Variants in GBX2 observed in about 807,000 individuals in gnomAD.
The protein encoded by GBX2 is homeobox protein GBX-2.
In GBX2, 5 loss-of-function variants were observed where a neutral mutation model predicts 22.4. The ratio of observed to expected loss-of-function variants is 0.22; its 90% confidence interval spans 0.12 to 0.47. The LOEUF (loss-of-function observed/expected upper bound fraction) is 0.47, where lower values mean the gene tolerates loss of function less well. Ranked by LOEUF, GBX2 falls within the 20% of genes least tolerant of loss-of-function variation. GBX2 has a pLI of 0.99. For missense variants in GBX2, 470 were observed against 495.4 expected, an observed-to-expected ratio of 0.95 and a Z score of 0.49; for synonymous variants, 220 against 230.5, an observed-to-expected ratio of 0.95 and a Z score of 0.41.
At position 236,167,929 on chromosome 2, in the gene GBX2, G is replaced by A. The variant is rs549692179; in HGVS notation, c.43C>T (p.Pro15Ser). Residue 15 changes from proline to serine, a missense_variant, in exon 1 of 2, where the codon CCG (proline) becomes TCG (serine). Physicochemically the swap from Pro to Ser is moderately conservative, Grantham distance 74 (BLOSUM62 -1). This residue lies in a region of GBX2 where 377 missense variants were observed against 358.6 expected (regional missense o/e 1.05). Transcript: ENST00000306318. ...FPPSLMMMQRPLGSSTAFSID... is the reference protein window; with the variant it reads ...FPPSLMMMQRSLGSSTAFSID... ...CTGAAGGCGGTGCTACTCCCCAGCG[G>A]GCGCTGCATCATCATCAGCGACGGC... 5.8e-6 allele frequency: 9 copies of A among 1,562,860 alleles called. No individual in the cohort carries two copies. The South Asian group carries it at 1.0e-4, about 18-fold the overall frequency.
chr2:236,164,752 C>T (rs963768769), downstream of GBX2, among the ~76,000 whole-genome samples: 12 of 152,174 alleles, frequency 7.9e-5, no homozygotes, highest in Admixed American at 1.3e-4. Context: ...GTTTTTGCTC[C>T]TGTCGCCAGA....
At chr2:236,161,404 T>C (rs556185340), downstream of GBX2, among the ~76,000 whole-genome samples, 5 of 152,386 alleles carry the variant, frequency 3.3e-5, no homozygotes, top group East Asian at 7.7e-4. Flanking sequence ...CTTATGTGCG[T>C]TGGGGTTTCA....
In GBX2 at chr2:236,167,793, G is replaced by A. The variant is rs767545495; in HGVS notation, c.179C>T (p.Pro60Leu). The A allele has an allele frequency of 2.6e-5, 37 of 1,403,106 alleles. No individual in the cohort carries two copies. Among genetic ancestry groups the A allele is most frequent in the Non-Finnish European group, 3.3e-5 (35 of 1,076,632 alleles). The allele number at this position is 1,403,106 out of a possible 1,614,324, so 86.9% of individuals were successfully genotyped here. ...YRPVVLPPPP[P>L]PPPALPQAAL... ...GGCCTGGGGCAGCGCGGGCGGCGGC[G>A]GCGGCGGCGGCGGCAGCACTACCGG... Residue 60 changes from proline (P) to leucine (L), a missense_variant, in exon 1 of 2, where the codon CCG (proline) becomes CTG (leucine). Around this residue, in one of 4 missense-constraint regions of GBX2, gnomAD observed 377 missense variants for 358.6 expected, o/e 1.05. Transcript: ENST00000306318.
rs2060241132 is a variant in GBX2, at chr2:236,166,692, C to CT, written c.524-256_524-255insA. Among the ~76,000 whole-genome samples the CT allele has an allele frequency of 6.6e-6, 1 of 152,110 alleles. No individual in the cohort carries two copies. The highest frequency in any genetic ancestry group is 2.1e-4 in the South Asian group (1 of 4,826). On this transcript the variant is annotated intron_variant, in intron 1 of 1. Coordinates refer to ENST00000306318, the MANE Select transcript of GBX2 (RefSeq NM_001485.4). The surrounding 1 kb of genome is among the most constrained non-coding windows in gnomAD (Gnocchi z 6.6). ...CCAGAACCATCACTCAAAGGGCCGCCATGCCTCCCCCGCACCCTCCCAGCC... is the reference window on the plus strand; with the variant it reads ...CCAGAACCATCACTCAAAGGGCCGCCTATGCCTCCCCCGCACCCTCCCAGCC...
Position 236,167,758 on chromosome 2 carries a change from G to A in GBX2, c.214C>T (p.Pro72Ser). The A allele has an allele frequency of 2.8e-6, 4 of 1,452,134 alleles. No homozygotes were observed. Among genetic ancestry groups the A allele is most frequent in the South Asian group, 1.5e-5 (1 of 65,354 alleles). The allele number at this position is 1,452,134 out of a possible 1,614,324, so 90.0% of individuals were successfully genotyped here. ...TGAGGGTGTGCGGGCGGCAGCGCTG[G>A]CTGCAGCGCGGCCTGGGGCAGCGCG... is the stretch of plus-strand genomic sequence containing the variant. ...PPALPQAALQ[P>S]ALPPAHPHHQ... The change falls in exon 1 of 2, where the codon CCA becomes TCA. Residue 72 changes from proline (P) to serine (S), a missense_variant. By Grantham distance (74) the Pro-to-Ser change is moderately conservative (BLOSUM62 -1). Transcript: ENST00000306318.
In GBX2 at chr2:236,165,680, T is replaced by C. The variant is rs2060234420; in HGVS notation, c.*234A>G. On this transcript the variant is annotated 3_prime_UTR_variant, in exon 2 of 2. Transcript: ENST00000306318. ...AGCTGAGATCCAGTCTATAGAGATA[T>C]TTATGTACAAAGTAGGATAGTATAA... 1.9e-6 allele frequency: 1 copy of C among 524,164 alleles called. No homozygotes were observed. 32.5% of individuals were successfully genotyped at this position (524,164 alleles called of 1,614,324 possible).
At chr2:236,164,905 C>T (rs2060229508), downstream of GBX2, among the ~76,000 whole-genome samples, 1 of 152,224 alleles carries the variant, frequency 6.6e-6, no homozygotes, top group African/African-American at 2.4e-5. Flanking sequence ...TGTGCAAAGC[C>T]ACCAATACCC....
rs1489758659 is a variant in GBX2, at chr2:236,166,351, C to T, written c.610G>A (p.Asp204Asn). The change falls in exon 2 of 2, where the codon GAT becomes AAT. Residue 204 changes from aspartate to asparagine, a missense_variant. Around this residue, in one of 4 missense-constraint regions of GBX2, gnomAD observed 377 missense variants for 358.6 expected, o/e 1.05. Transcript: ENST00000306318. The surrounding 1 kb of genome is among the most constrained non-coding windows in gnomAD (Gnocchi z 6.6). ...TTGTCATCCGAGCTGTAGTCCACATCGCTCTCCAGCGAGAAGCTCTCCTCC... is the reference window on the plus strand; with the variant it reads ...TTGTCATCCGAGCTGTAGTCCACATTGCTCTCCAGCGAGAAGCTCTCCTCC... ...GKEESFSLES[D>N]VDYSSDDNLT... 10 of 1,613,954 alleles carry T rather than the reference C, an allele frequency of 6.2e-6. No homozygotes were observed. The highest frequency in any genetic ancestry group is 8.5e-6 in the Non-Finnish European group (10 of 1,180,012).
chr2:236,167,397 GCCC>G (rs1429418655), intron 1 of GBX2, 49 bp downstream of exon 1: 1 of 1,365,056 alleles, frequency 7.3e-7, no homozygotes, highest in East Asian at 3.0e-5. Flanking sequence ...GCGCTGGCCC[GCCC>G]CCGCCTCCTC....
chr2:236,165,792 G>C lies in GBX2; in HGVS notation c.*122C>G. The C allele has an allele frequency of 1.3e-6, 1 of 778,384 alleles. No homozygotes were observed. Among genetic ancestry groups the C allele is most frequent in the Non-Finnish European group, 2.1e-6 (1 of 474,250 alleles). 48.2% of individuals were successfully genotyped at this position (778,384 alleles called of 1,614,324 possible). A position where few individuals can be genotyped will look rare whatever the true frequency, so the allele number is the denominator to read the frequency against. The stretch of plus-strand genomic sequence containing the variant: ...CATTTAGTGAATATATTCTCAATTT[G>C]CTTGGGATGGCCACAGCTGGGCTGT... On this transcript the variant is annotated 3_prime_UTR_variant, in exon 2 of 2. Transcript: ENST00000306318.
downstream of GBX2, among the ~76,000 whole-genome samples, chr2:236,161,547 A>G (rs1056107913): frequency 1.3e-5 from 2 of 151,754 alleles, no homozygotes; most frequent in African/African-American, 4.8e-5. Context: ...TCCCTGTAGA[A>G]CCCCGGCCTT....
In GBX2 at chr2:236,166,572, A is replaced by C; in HGVS notation, c.524-135T>G. The C allele has an allele frequency of 1.2e-4, 85 of 700,740 alleles. No homozygotes were observed. The highest frequency in any genetic ancestry group is 1.8e-4 in the Non-Finnish European group (77 of 423,908). 43.4% of individuals were successfully genotyped at this position (700,740 alleles called of 1,614,324 possible). ...GATTGTCTTTCTATGACATTAACAC[A>C]TTGTGATTTCCTGGCCTTTGAGGGG... On this transcript the variant is annotated intron_variant, in intron 1 of 1. Coordinates refer to ENST00000306318, the MANE Select transcript of GBX2 (RefSeq NM_001485.4). This position sits in a 1 kb window ranked among gnomAD's most constrained non-coding sequence, Gnocchi z 6.6.
downstream of GBX2, among the ~76,000 whole-genome samples, chr2:236,164,276 C>G (rs972485141): frequency 4.6e-5 from 7 of 152,226 alleles, no homozygotes; most frequent in Admixed American, 3.3e-4. Flanking sequence ...GGCCTCCCCT[C>G]CTTCCCCCAC....
At chr2:236,163,839 CG>C (rs1328600576), downstream of GBX2, among the ~76,000 whole-genome samples, 1 of 152,156 alleles carries the variant, frequency 6.6e-6, no homozygotes, top group African/African-American at 2.4e-5. Context: ...CCCGGCCTTG[CG>C]GCCCCCGCGC....
rs746318204 is a variant in GBX2, at chr2:236,166,295, T to C, written c.666A>G (p.Glu222=). 2.5e-5 allele frequency: 41 copies of C among 1,613,770 alleles called. No individual in the cohort carries two copies. The South Asian group carries it at 4.4e-4, about 17-fold the overall frequency. Residue 222 remains glutamate, a synonymous_variant, in exon 2 of 2, where the codon GAA becomes GAG. Coordinates refer to ENST00000306318, the MANE Select transcript of GBX2 (RefSeq NM_001485.4). This position sits in a 1 kb window ranked among gnomAD's most constrained non-coding sequence, Gnocchi z 6.6. ...NLTGQAAHKE[E]DPGHALEETP... ...TCTCCTCCAGCGCGTGGCCCGGGTC[T>C]TCCTCCTTGTGAGCTGCCTGGCCAG...
In GBX2 at chr2:236,166,412, T is replaced by C; in HGVS notation, c.549A>G (p.Lys183=). ...GGTCGTCTTCCACCTTTGACTCGTC[T>C]TTCCCTTGCCCTCGGACAGCCCCGA... ...SLVGAVRGQG[K]DESKVEDDPK... The change falls in exon 2 of 2, where the codon AAA becomes AAG. Residue 183 remains lysine, a synonymous_variant. Transcript: ENST00000306318. This position sits in a 1 kb window ranked among gnomAD's most constrained non-coding sequence, Gnocchi z 6.6. The C allele has an allele frequency of 6.2e-7, 1 of 1,612,804 alleles. No individual in the cohort carries two copies. Among genetic ancestry groups the C allele is most frequent in the Non-Finnish European group, 8.5e-7 (1 of 1,179,110 alleles).
At position 236,166,257 on chromosome 2, in the gene GBX2, C is replaced by T. The variant is rs767344478; in HGVS notation, c.704G>A (p.Ser235Asn). The change falls in exon 2 of 2, where the codon AGC (serine) becomes AAC (asparagine). Residue 235 changes from serine to asparagine, a missense_variant. Physicochemically the swap from Ser to Asn is conservative, Grantham distance 46 (BLOSUM62 1). Transcript: ENST00000306318. This position sits in a 1 kb window ranked among gnomAD's most constrained non-coding sequence, Gnocchi z 6.6. The part of the protein sequence containing the change: ...GHALEETPPS[S>N]GAAGSTTSTG... ...AGACGTGGTGCTGCCCGCGGCGCCG[C>T]TGCTCGGCGGGGTCTCCTCCAGCGC... 6.2e-7 allele frequency: 1 copy of T among 1,613,646 alleles called. No individual in the cohort carries two copies. Among genetic ancestry groups the T allele is most frequent in the East Asian group, 2.2e-5 (1 of 44,876 alleles).
Position 236,167,151 on chromosome 2 carries a change from T to C in GBX2, c.523+298A>G, listed in dbSNP as rs763702466. ...GCTGCAACCTACCCGGAACCCCAGG[T>C]CACCGCGGAGCGGCAGAGGCGGCCT... is the stretch of plus-strand genomic sequence containing the variant. On this transcript the variant is annotated intron_variant, in intron 1 of 1. Transcript: ENST00000306318. 9 of 1,535,414 alleles carry C rather than the reference T, an allele frequency of 5.9e-6. No homozygotes were observed. In the South Asian group the frequency reaches 9.5e-5, roughly 16 times the overall value.
chr2:236,166,015 C>T lies in GBX2; in HGVS notation c.946G>A (p.Glu316Lys). Residue 316 changes from glutamate (E) to lysine (K), a missense_variant, in exon 2 of 2, where the codon GAG becomes AAG. Physicochemically the swap from Glu to Lys is moderately conservative, Grantham distance 56 (BLOSUM62 1). Coordinates refer to ENST00000306318, the MANE Select transcript of GBX2 (RefSeq NM_001485.4). This position sits in a 1 kb window ranked among gnomAD's most constrained non-coding sequence, Gnocchi z 6.6. ...KAGNANSKTG[E>K]PSRNPKIVVP... is the part of the protein sequence containing the mutation. ...ACGATCTTAGGGTTCCGGGAGGGCT[C>T]CCCTGTCTTGGAATTGGCATTGCCT... 1 of 1,614,188 alleles carries T rather than the reference C, an allele frequency of 6.2e-7. No individual in the cohort carries two copies. The highest frequency in any genetic ancestry group is 8.5e-7 in the Non-Finnish European group (1 of 1,180,030).
Sources: gnomAD v4.1 joint callset for allele counts (sites outside exome capture counted in the v4.1 genomes callset) on GRCh38, gnomAD v4.1.1 for gene constraint, gnomAD v4.1.1 regional missense constraint, Gnocchi (gnomAD v3.1) non-coding constraint, MANE v1.5 for transcripts, NCBI Gene and HGNC (gene_info 2026-07-23, HGNC 2026-07-21) for gene names.